Variants in METAP2 observed in about 807,000 individuals in gnomAD.
METAP2 encodes methionine aminopeptidase 2.
A neutral mutation model predicts 59.4 loss-of-function variants in METAP2; 25 were observed. The ratio of observed to expected loss-of-function variants is 0.42; its 90% CI spans 0.31 to 0.59. METAP2 has a LOEUF of 0.59. Among genes scored for constraint, METAP2 ranks in the 20% least tolerant of loss-of-function variants. The pLI is 0.16. For missense variants in METAP2, 366 were observed against 581.2 expected, an observed-to-expected ratio of 0.63 and a Z score of 3.81; for synonymous variants, 214 against 194.1, an observed-to-expected ratio of 1.10 and a Z score of -0.85.
chr12:95,495,588 C>T (rs184722585), intron 6 of METAP2, among the ~76,000 whole-genome samples: 1 of 152,272 alleles, frequency 6.6e-6, no homozygotes, highest in African/African-American at 2.4e-5. Context: ...AGTGAGAAAG[C>T]AAGCTTAGAA....
chr12:95,513,748 A>G lies in METAP2; in HGVS notation c.1281A>G (p.Lys427=). ...GGCTGGATCGCTTGGGAGAAAGTAA[A>G]TACTTGATGGCTCTGAAGAATCTGT... is the stretch of plus-strand genomic sequence containing the variant. ...RRWLDRLGES[K]YLMALKNLCD... The change falls in exon 11 of 11, where the codon AAA becomes AAG. Residue 427 remains lysine, a synonymous_variant. Transcript: ENST00000323666. The G allele has an allele frequency of 1.2e-6, 2 of 1,614,250 alleles. No homozygotes were observed. The highest frequency in any genetic ancestry group is 1.7e-6 in the Non-Finnish European group (2 of 1,180,046).
At chr12:95,509,847 C>CCCACT (rs2076389026) in intron 8 of METAP2, among the ~76,000 whole-genome samples, 1 of 131,634 alleles carries the variant, frequency 7.6e-6, no homozygotes, top group Non-Finnish European at 1.6e-5. Context: ...CCCCCCCAAC[C>CCCACT]TTTTTTTTTT....
Position 95,485,979 on chromosome 12 carries a change from TG to T in METAP2, c.428+1del. Reference sequence around the variant, plus strand: ...AATGCGAATACCCACCCACACAAGATGGGTAAGGATCATCAAATCACTTCCA... The same window carrying T: ...AATGCGAATACCCACCCACACAAGATGGTAAGGATCATCAAATCACTTCCA... ...QECEYPPTQD[G>X]RTAAWRTTSE... On this transcript the variant is annotated frameshift_variant and splice_region_variant, in exon 4 of 11. Transcript: ENST00000323666. LOFTEE classifies it high-confidence loss of function. The T allele has an allele frequency of 6.4e-7, 1 of 1,559,298 alleles. No homozygotes were observed. The highest frequency in any genetic ancestry group is 1.8e-5 in the Admixed American group (1 of 54,430).
chr12:95,515,614 C>T lies in METAP2; in HGVS notation c.*1710C>T, dbSNP rs896354672. On this transcript the variant is annotated 3_prime_UTR_variant, in exon 11 of 11. Coordinates refer to ENST00000323666, the MANE Select transcript of METAP2 (RefSeq NM_006838.4). ...CCAATTAGGAGCTCCAAGCTCCCTT[C>T]CCAGGTAACTGTTGGGAGCAATGGC... 1 of 152,238 alleles carries T rather than the reference C, an allele frequency of 6.6e-6. No individual in the cohort carries two copies. Among genetic ancestry groups the T allele is most frequent in the Non-Finnish European group, 1.5e-5 (1 of 68,038 alleles). The allele number at this position is 152,238 out of a possible 1,614,324, so 9.4% of individuals were successfully genotyped here.
intron 8 of METAP2, among the ~76,000 whole-genome samples, chr12:95,507,391 C>A (rs1166503138): frequency 6.6e-6 from 1 of 152,254 alleles, no homozygotes; most frequent in Non-Finnish European, 1.5e-5. Context: ...AAATTACTTA[C>A]CTGATGAGAA....
chr12:95,494,067 C>T lies in METAP2; in HGVS notation c.440C>T (p.Ala147Val). 1 of 1,613,760 alleles carries T rather than the reference C, an allele frequency of 6.2e-7. No homozygotes were observed. The highest frequency in any genetic ancestry group is 8.5e-7 in the Non-Finnish European group (1 of 1,179,876). ...TGCCCACTCTAAAGGCGAACAGCTGCTTGGAGAACTACAAGTGAAGAAAAG... is the reference window on the plus strand; with the variant it reads ...TGCCCACTCTAAAGGCGAACAGCTGTTTGGAGAACTACAAGTGAAGAAAAG... ...YPPTQDGRTA[A>V]WRTTSEEKKA... The change falls in exon 5 of 11, where the codon GCT (alanine) becomes GTT (valine). Residue 147 changes from alanine (A) to valine (V), a missense_variant. Physicochemically the swap from Ala to Val is moderately conservative, Grantham distance 64. Around this residue, in one of 4 missense-constraint regions of METAP2, gnomAD observed 177 missense variants for 180.3 expected, o/e 0.98. Coordinates refer to ENST00000323666, the MANE Select transcript of METAP2 (RefSeq NM_006838.4).
At chr12:95,483,959 A>G (rs931978838) in intron 3 of METAP2, among the ~76,000 whole-genome samples, 2 of 152,158 alleles carry the variant, frequency 1.3e-5, no homozygotes, top group East Asian at 3.8e-4. Context: ...TCAGATTTGT[A>G]TAAAATATCC....
chr12:95,501,194 T>C (rs2076312694), intron 7 of METAP2, among the ~76,000 whole-genome samples: 1 of 152,054 alleles, frequency 6.6e-6, no homozygotes, highest in South Asian at 2.1e-4. Flanking sequence ...AATAAAATAA[T>C]ATTTTAAATT....
At chr12:95,489,079 GTT>G (rs1416197091) in intron 4 of METAP2, among the ~76,000 whole-genome samples, 1 of 151,944 alleles carries the variant, frequency 6.6e-6, no homozygotes, top group Non-Finnish European at 1.5e-5. Context: ...ATTTGTTAGT[GTT>G]TTATGGTTTT....
chr12:95,477,877 T>C (rs10507049), intron 2 of METAP2, among the ~76,000 whole-genome samples: 13,243 of 152,272 alleles, frequency 0.087, 815 homozygotes, highest in African/African-American at 0.17. Flanking sequence ...CTTAAACCTC[T>C]GTTCTACATT....
intron 6 of METAP2, among the ~76,000 whole-genome samples, chr12:95,495,623 A>G (rs750004847): frequency 6.6e-6 from 1 of 152,152 alleles, no homozygotes; most frequent in African/African-American, 2.4e-5. Flanking sequence ...AGGTTTCACT[A>G]CCTTGGAAAA....
intron 3 of METAP2, chr12:95,484,892 G>C (rs780684833): frequency 3.1e-5 from 14 of 453,720 alleles, no homozygotes; most frequent in South Asian, 2.2e-4. Flanking sequence ...CTATGTTCTT[G>C]TTTTGGTTTT....
At chr12:95,495,930 A>G (rs1393856006) in intron 6 of METAP2, 74 bp from the exon 7 acceptor site, 1 of 874,908 alleles carries the variant, frequency 1.1e-6, no homozygotes, top group Non-Finnish European at 1.8e-6. Flanking sequence ...AGCAAGATTA[A>G]TAGATTAAAT....
chr12:95,495,660 A>G (rs301042), intron 6 of METAP2, among the ~76,000 whole-genome samples: 16,520 of 152,124 alleles, frequency 0.11, 956 homozygotes, highest in African/African-American at 0.12. Context: ...AGCCCTGTAT[A>G]CTTTCTCTGC....
intron 3 of METAP2, 197 bp downstream of exon 3, chr12:95,483,477 A>C: frequency 6.2e-5 from 11 of 178,770 alleles, no homozygotes; most frequent in East Asian, 9.9e-5. Context: ...CTCTGTCTCA[A>C]AAAAAAAAAA....
intron 7 of METAP2, among the ~76,000 whole-genome samples, chr12:95,502,052 G>A (rs1034821366): frequency 3.3e-5 from 5 of 150,682 alleles, no homozygotes; most frequent in African/African-American, 1.2e-4. Context: ...GCCCAGGCTG[G>A]AGCGCAGTGG....
intron 4 of METAP2, among the ~76,000 whole-genome samples, chr12:95,492,495 C>T (rs952357153): frequency 6.6e-6 from 1 of 151,620 alleles, no homozygotes; most frequent in African/African-American, 2.4e-5. Context: ...TATCTGAACT[C>T]GAGACTTTGA....
intron 9 of METAP2, 43 bp from the exon 10 acceptor site, chr12:95,512,758 A>G: frequency 9.2e-7 from 1 of 1,090,536 alleles, no homozygotes; most frequent in Middle Eastern, 2.0e-4. Flanking sequence ...TTCGTTCTGA[A>G]TTTTTCTTCT....
intron 1 of METAP2, among the ~76,000 whole-genome samples, chr12:95,474,718 G>A (rs2076105000): frequency 6.6e-6 from 1 of 152,150 alleles, no homozygotes; most frequent in Non-Finnish European, 1.5e-5. Flanking sequence ...GATCCGTATT[G>A]CCGCGTCTTT....
Sources: allele counts gnomAD v4.1 joint callset (sites outside exome capture counted in the v4.1 genomes callset), GRCh38; gene constraint gnomAD v4.1.1; regional missense constraint gnomAD v4.1.1; transcripts MANE v1.5; gene names NCBI Gene and HGNC (gene_info 2026-07-23, HGNC 2026-07-21).